The following MYO3B variants were observed in gnomAD, a reference collection of about 807,000 sequenced individuals.
The protein encoded by MYO3B is myosin-IIIb.
A neutral mutation model predicts 174.6 loss-of-function variants in MYO3B; 156 were observed. That is an observed-to-expected ratio of 0.89 (90% CI 0.78 to 1.02). The LOEUF (loss-of-function observed/expected upper bound fraction) is 1.02, where lower values mean the gene tolerates loss of function less well. Among genes scored for constraint, MYO3B ranks in the 50% least tolerant of loss-of-function variants. MYO3B has a pLI of 0.00. For synonymous variants in MYO3B, 563 were observed against 569.1 expected (o/e 0.99, Z 0.15); for missense variants, 1,632 against 1,639.4 (o/e 1.00, Z 0.08).
intron 3 of MYO3B, among the ~76,000 whole-genome samples, chr2:170,204,226 T>A (rs2092692788): frequency 6.6e-6 from 1 of 152,254 alleles, no homozygotes; most frequent in South Asian, 2.1e-4. Flanking sequence ...AGGCGGACAG[T>A]GTCCAACATG....
chr2:170,497,515 C>T (rs1197808807), intron 25 of MYO3B, among the ~76,000 whole-genome samples: 1 of 152,036 alleles, frequency 6.6e-6, no homozygotes, highest in Non-Finnish European at 1.5e-5. Context: ...ACTCAGGACG[C>T]TGAGAGGCAG....
intron 32 of MYO3B, among the ~76,000 whole-genome samples, chr2:170,585,709 T>C (rs781604485): frequency 2.0e-5 from 3 of 151,982 alleles, no homozygotes; most frequent in Admixed American, 6.6e-5. Context: ...GAACAAGCAA[T>C]AAGTAAGGAA....
chr2:170,288,267 A>G (rs991457925), intron 7 of MYO3B, among the ~76,000 whole-genome samples: 1 of 151,002 alleles, frequency 6.6e-6, no homozygotes, highest in African/African-American at 2.4e-5. Context: ...GAAGAATGTC[A>G]TTGGTATTCT....
At chr2:170,588,877 A>C (rs919250878) in intron 32 of MYO3B, among the ~76,000 whole-genome samples, 1 of 152,230 alleles carries the variant, frequency 6.6e-6, no homozygotes, top group South Asian at 2.1e-4. Flanking sequence ...TATGAATGTC[A>C]TCTGGAAGAT....
intron 32 of MYO3B, among the ~76,000 whole-genome samples, chr2:170,621,527 T>C (rs1447644195): frequency 6.6e-6 from 1 of 151,600 alleles, no homozygotes; most frequent in Admixed American, 6.6e-5. Context: ...TTTTTTGTTT[T>C]TGAGACAGAG....
chr2:170,411,804 C>A (rs1273942392), intron 22 of MYO3B: 1 of 152,236 alleles, frequency 6.6e-6, no homozygotes, highest in Non-Finnish European at 1.5e-5. Context: ...TCTGCAGCCC[C>A]CTTCTGCTTA....
intron 9 of MYO3B, among the ~76,000 whole-genome samples, chr2:170,378,255 A>G (rs186382823): frequency 6.6e-6 from 1 of 152,352 alleles, no homozygotes; most frequent in Non-Finnish European, 1.5e-5. Flanking sequence ...CCATAGCCAG[A>G]GGAGGAAAGT....
intron 25 of MYO3B, among the ~76,000 whole-genome samples, chr2:170,485,193 C>T (rs969781108): frequency 6.6e-6 from 1 of 152,094 alleles, no homozygotes; most frequent in African/African-American, 2.4e-5. Context: ...ACAATAAAAC[C>T]ATAACAATTT....
chr2:170,487,442 C>T (rs573774513), intron 25 of MYO3B, among the ~76,000 whole-genome samples: 1 of 152,316 alleles, frequency 6.6e-6, no homozygotes, highest in South Asian at 2.1e-4. Flanking sequence ...ATGCCTGATA[C>T]ATCAGTAGAT....
intron 32 of MYO3B, among the ~76,000 whole-genome samples, chr2:170,623,515 C>T (rs1367974173): frequency 1.3e-5 from 2 of 152,114 alleles, no homozygotes; most frequent in African/African-American, 4.8e-5. Flanking sequence ...TTCTCCTATT[C>T]TGTAGGTTGC....
chr2:170,392,518 A>G (rs1289446812), intron 16 of MYO3B, 23 bp downstream of exon 16: 1 of 1,399,476 alleles, frequency 7.1e-7, no homozygotes, highest in Non-Finnish European at 9.8e-7. Flanking sequence ...CAAGAGAGGA[A>G]CTCAAGTGAC....
chr2:170,549,479 T>G (rs1437469022), intron 32 of MYO3B, among the ~76,000 whole-genome samples: 1 of 152,220 alleles, frequency 6.6e-6, no homozygotes, highest in Non-Finnish European at 1.5e-5. Context: ...CACACCACTT[T>G]CTTTCACTTA....
In MYO3B at chr2:170,580,043, G is replaced by A. The variant is rs377426414; in HGVS notation, c.3733+36055G>A. ...TCTTCCTTAAATTTGTTGATCAACC[G>A]TGCTAGAGAAAAAAATGGCATTATC... On this transcript the variant is annotated intron_variant, in intron 32 of 34. Coordinates refer to ENST00000408978, the MANE Select transcript of MYO3B (RefSeq NM_138995.5). Among the ~76,000 whole-genome samples, 6 of 152,124 alleles carry A rather than the reference G, an allele frequency of 3.9e-5. No individual in the cohort carries two copies. In the East Asian group the frequency reaches 7.7e-4, roughly 20 times the overall value.
intron 7 of MYO3B, among the ~76,000 whole-genome samples, chr2:170,256,719 TA>T (rs1367879081): frequency 6.6e-6 from 1 of 152,130 alleles, no homozygotes; most frequent in African/African-American, 2.4e-5. Flanking sequence ...AGCAACCAGC[TA>T]ATAACATCAT....
intron 23 of MYO3B, among the ~76,000 whole-genome samples, chr2:170,446,207 C>G (rs921550056): frequency 6.6e-6 from 1 of 152,192 alleles, no homozygotes; most frequent in Non-Finnish European, 1.5e-5. Context: ...TAGGCAAATC[C>G]TCAGATAATG....
chr2:170,328,738 C>T (rs892092971), intron 7 of MYO3B, among the ~76,000 whole-genome samples: 5 of 151,836 alleles, frequency 3.3e-5, no homozygotes, highest in Admixed American at 3.3e-4. Flanking sequence ...TGTGGAATGC[C>T]ATTTAGGTAT....
chr2:170,559,641 G>A (rs1327956851), intron 32 of MYO3B, among the ~76,000 whole-genome samples: 2 of 152,064 alleles, frequency 1.3e-5, no homozygotes, highest in Non-Finnish European at 2.9e-5. Context: ...AATGACGGGA[G>A]GGAGAAATTC....
At chr2:170,305,788 A>G (rs1014933284) in intron 7 of MYO3B, among the ~76,000 whole-genome samples, 4 of 152,088 alleles carry the variant, frequency 2.6e-5, no homozygotes, top group Admixed American at 1.3e-4. Flanking sequence ...GGGTCTTACT[A>G]TATTACCTAG....
At chr2:170,257,245 G>C (rs1340813929) in intron 7 of MYO3B, among the ~76,000 whole-genome samples, 1 of 152,118 alleles carries the variant, frequency 6.6e-6, no homozygotes, top group African/African-American at 2.4e-5. Flanking sequence ...GGACCTAATA[G>C]ATGTCTACAG....
Sources: gnomAD v4.1 joint callset for allele counts (sites outside exome capture counted in the v4.1 genomes callset) on GRCh38, gnomAD v4.1.1 for gene constraint, MANE v1.5 for transcripts, NCBI Gene and HGNC (gene_info 2026-07-23, HGNC 2026-07-21) for gene names.